DEPDC5: variants seen among roughly 807,000 people sequenced by gnomAD.
The protein encoded by DEPDC5 is GATOR1 complex protein DEPDC5.
A neutral mutation model predicts 217.3 loss-of-function variants in DEPDC5; 73 were observed. The ratio of observed to expected loss-of-function variants is 0.34; its 90% confidence interval spans 0.28 to 0.41. DEPDC5 has a LOEUF of 0.41. Among genes scored for constraint, DEPDC5 ranks in the 10% least tolerant of loss-of-function variants. The pLI is 1.00. For synonymous variants in DEPDC5, 733 were observed against 756.7 expected (o/e 0.97, Z 0.51); for missense variants, 1,675 against 2,070.1 (o/e 0.81, Z 3.70).
At chr22:31,799,045 CTTTTT>C (rs552961998) in intron 14 of DEPDC5, among the ~76,000 whole-genome samples, 1 of 138,640 alleles carries the variant, frequency 7.2e-6, no homozygotes, top group Non-Finnish European at 1.6e-5. Context: ...AGCAAACTTA[CTTTTT>C]TTTTTTTTTT....
At chr22:31,856,691 A>C (rs1206624819) in intron 31 of DEPDC5, among the ~76,000 whole-genome samples, 2 of 152,166 alleles carry the variant, frequency 1.3e-5, no homozygotes, top group Non-Finnish European at 2.9e-5. Context: ...TGTACATTTG[A>C]AAGATTAACC....
Position 31,822,725 on chromosome 22 carries a change from T to C in DEPDC5, c.2039T>C (p.Met680Thr). 5.0e-6 allele frequency: 8 copies of C among 1,614,178 alleles called. No homozygotes were observed. The highest frequency in any genetic ancestry group is 6.8e-6 in the Non-Finnish European group (8 of 1,180,002). Residue 680 changes from methionine (M) to threonine (T), a missense_variant, in exon 24 of 43, where the codon ATG (methionine) becomes ACG (threonine). Around this residue, in one of 11 missense-constraint regions of DEPDC5, gnomAD observed 136 missense variants for 132.2 expected, o/e 1.03. Coordinates refer to ENST00000651528, the MANE Select transcript of DEPDC5 (RefSeq NM_001242896.3). ...AATTCCCGCCAGCCTGGTGACGGCATGTCCTTCTTGAACTTCAGTGGAACA... is the reference window on the plus strand; with the variant it reads ...AATTCCCGCCAGCCTGGTGACGGCACGTCCTTCTTGAACTTCAGTGGAACA... ...HSNSRQPGDG[M>T]SFLNFSGTEE...
At chr22:31,864,147 T>TGGA (rs2092606997) in intron 33 of DEPDC5, among the ~76,000 whole-genome samples, 1 of 151,160 alleles carries the variant, frequency 6.6e-6, no homozygotes, top group Non-Finnish European at 1.5e-5. Flanking sequence ...TCATTCTTGT[T>TGGA]GCCCAGGCTG....
intron 20 of DEPDC5, among the ~76,000 whole-genome samples, chr22:31,811,156 G>A (rs1184176014): frequency 1.3e-5 from 2 of 150,966 alleles, no homozygotes; most frequent in African/African-American, 2.4e-5. Context: ...TGCAACTTCC[G>A]CCTCCTGGGT....
intron 21 of DEPDC5, chr22:31,817,385 C>T (rs181603151): frequency 5.3e-5 from 21 of 396,556 alleles, no homozygotes; most frequent in East Asian, 2.8e-4. Flanking sequence ...GCTGGGATTA[C>T]GGGCGTGAGC....
At chr22:31,767,073 C>G (rs1393303859) in intron 6 of DEPDC5, among the ~76,000 whole-genome samples, 1 of 152,034 alleles carries the variant, frequency 6.6e-6, no homozygotes, top group African/African-American at 2.4e-5. Context: ...TGGCCAAAAC[C>G]CAGATCCTGT....
intron 19 of DEPDC5, among the ~76,000 whole-genome samples, chr22:31,810,103 C>G (rs945505754): frequency 2.0e-5 from 3 of 152,166 alleles, no homozygotes; most frequent in African/African-American, 7.2e-5. Context: ...CCCTTAATTA[C>G]CTTGTATTTT....
At chr22:31,876,325 T>G in intron 37 of DEPDC5, 60 bp downstream of exon 37, 1 of 1,324,336 alleles carries the variant, frequency 7.6e-7, no homozygotes, top group Admixed American at 1.8e-5. Context: ...GGTGACTTGC[T>G]CTTTCACATG....
chr22:31,897,780 AG>A, intron 40 of DEPDC5, 127 bp downstream of exon 40: 1 of 1,110,030 alleles, frequency 9.0e-7, no homozygotes, highest in Non-Finnish European at 1.3e-6. Flanking sequence ...AGGGGCCAAA[AG>A]GATCAAGGTT....
intron 33 of DEPDC5, among the ~76,000 whole-genome samples, 179 bp downstream of exon 33, chr22:31,861,612 G>T (rs1266652538): frequency 1.3e-5 from 2 of 152,160 alleles, no homozygotes; most frequent in African/African-American, 4.8e-5. Context: ...GCGAAGGGGG[G>T]GATGGAAGAG....
At chr22:31,840,400 A>G (rs921515007) in intron 27 of DEPDC5, among the ~76,000 whole-genome samples, 1 of 152,260 alleles carries the variant, frequency 6.6e-6, no homozygotes, top group Non-Finnish European at 1.5e-5. Context: ...ATGATGGAGC[A>G]CAAGGAATAA....
At chr22:31,776,313 T>G (rs191816378) in intron 7 of DEPDC5, among the ~76,000 whole-genome samples, 1 of 152,146 alleles carries the variant, frequency 6.6e-6, no homozygotes, top group African/African-American at 2.4e-5. Context: ...GGTCTCACTA[T>G]GCTACCTAGG....
At chr22:31,887,436 AAAAG>A (rs1480186123) in intron 38 of DEPDC5, among the ~76,000 whole-genome samples, 1 of 151,650 alleles carries the variant, frequency 6.6e-6, no homozygotes, top group Non-Finnish European at 1.5e-5. Context: ...AAAAAAAAAA[AAAAG>A]AGAAAAGTCA....
intron 24 of DEPDC5, among the ~76,000 whole-genome samples, chr22:31,826,982 C>A (rs1207350009): frequency 6.6e-6 from 1 of 151,470 alleles, no homozygotes; most frequent in Admixed American, 6.6e-5. Flanking sequence ...CAGCCTCAAC[C>A]TTTTGGGATG....
rs41420645 is a variant in DEPDC5 at position 31,895,405 on chromosome 22, C to G, written c.4203+1654C>G. Among the ~76,000 whole-genome samples, 19 of 152,328 alleles carry G rather than the reference C, an allele frequency of 1.2e-4. No homozygotes were observed. In the East Asian group the frequency reaches 3.5e-3, roughly 28 times the overall value. On this transcript the variant is annotated intron_variant, in intron 39 of 42. Transcript: ENST00000651528. ...AATCAGGCCATTCACTGCTCCTACA[C>G]TAAGAAGCCATACCTGACCATCCCC... is the stretch of plus-strand genomic sequence containing the variant.
intron 15 of DEPDC5, among the ~76,000 whole-genome samples, chr22:31,803,434 G>A (rs540885335): frequency 6.6e-6 from 1 of 151,916 alleles, no homozygotes; most frequent in East Asian, 1.9e-4. Flanking sequence ...GGATGGTCTC[G>A]ATCTCCTGAC....
intron 31 of DEPDC5, among the ~76,000 whole-genome samples, chr22:31,855,193 G>C (rs1283282652): frequency 6.6e-6 from 1 of 151,926 alleles, no homozygotes; most frequent in Non-Finnish European, 1.5e-5. Context: ...TCAATCTTCT[G>C]ACCTCGTGAT....
intron 24 of DEPDC5, 42 bp downstream of exon 24, chr22:31,822,832 A>T: frequency 6.3e-7 from 1 of 1,588,388 alleles, no homozygotes; most frequent in Non-Finnish European, 8.6e-7. Flanking sequence ...TGTTTAGATC[A>T]GGCTCACATC....
At chr22:31,771,050 T>G (rs1569514134) in intron 7 of DEPDC5, among the ~76,000 whole-genome samples, 1 of 152,148 alleles carries the variant, frequency 6.6e-6, no homozygotes, top group East Asian at 1.9e-4. Context: ...CCCAAAGCAC[T>G]GGGATTATAG....
Sources: gnomAD v4.1 joint callset for allele counts (sites outside exome capture counted in the v4.1 genomes callset) on GRCh38, gnomAD v4.1.1 for gene constraint, gnomAD v4.1.1 regional missense constraint, MANE v1.5 for transcripts, NCBI Gene and HGNC (gene_info 2026-07-23, HGNC 2026-07-21) for gene names.